ARHGEF26: variants seen among roughly 807,000 people sequenced by gnomAD.
ARHGEF26 encodes Rho guanine nucleotide exchange factor 26, also known as Rho guanine nucleotide exchange factor (GEF) 26.
Under a neutral mutation model 89.4 loss-of-function variants are expected in ARHGEF26, and 59 were observed. The observed-to-expected ratio is 0.66, with a 90% CI of 0.54 to 0.82. ARHGEF26 has a LOEUF of 0.82. ARHGEF26 is among the 40% of genes least tolerant of loss of function. The pLI is 0.00. For missense variants in ARHGEF26, 1,234 were observed against 1,085.6 expected (o/e 1.14, Z -1.92); for synonymous variants, 500 against 428.4 (o/e 1.17, Z -2.06).
At chr3:154,194,504 T>G (rs1714160631) in intron 8 of ARHGEF26, 140 bp from the exon 9 acceptor site, 1 of 596,886 alleles carries the variant, frequency 1.7e-6, no homozygotes, top group Non-Finnish European at 2.9e-6. Context: ...TTAAATTGGG[T>G]TTTAATATTA....
chr3:154,213,201 T>TAGAA (rs1715489505), intron 9 of ARHGEF26, among the ~76,000 whole-genome samples: 1 of 136,464 alleles, frequency 7.3e-6, no homozygotes. Context: ...ACGAGTAACA[T>TAGAA]AGAGAGAGAG....
intron 4 of ARHGEF26, among the ~76,000 whole-genome samples, chr3:154,139,297 C>A (rs1187057513): frequency 6.6e-6 from 1 of 152,164 alleles, no homozygotes; most frequent in South Asian, 2.1e-4. Context: ...TCTTCTCTTA[C>A]CTGCACTCAT....
chr3:154,176,593 C>T (rs758962190), intron 6 of ARHGEF26, among the ~76,000 whole-genome samples: 2 of 152,074 alleles, frequency 1.3e-5, no homozygotes, highest in Non-Finnish European at 2.9e-5. Flanking sequence ...TTTAGGCTGG[C>T]TGAGAGGCAT....
Position 154,187,752 on chromosome 3 carries a change from GA to G in ARHGEF26, c.1560del (p.Lys520AsnfsTer11), listed in dbSNP as rs760983064. ...CATAGATGACATAAGTGACATTGTG[GA>G]AAAACACACAGCATCCACATTTGAC... is the stretch of plus-strand genomic sequence containing the variant. ...IFIDDISDIV[E>X]KHTASTFDPY... On this transcript the variant is annotated frameshift_variant, in exon 7 of 15. Transcript: ENST00000465093. LOFTEE classifies it high-confidence loss of function. The G allele has an allele frequency of 2.5e-6, 4 of 1,611,808 alleles. No homozygotes were observed. The highest frequency in any genetic ancestry group is 2.5e-6 in the Non-Finnish European group (3 of 1,178,812).
chr3:154,176,869 C>G (rs1455025681), intron 6 of ARHGEF26, among the ~76,000 whole-genome samples: 1 of 152,132 alleles, frequency 6.6e-6, no homozygotes, highest in Admixed American at 6.6e-5. Flanking sequence ...GTCTCGAACT[C>G]CTGGGCTTAA....
chr3:154,226,678 CA>C (rs1716510299), intron 11 of ARHGEF26, among the ~76,000 whole-genome samples: 1 of 151,926 alleles, frequency 6.6e-6, no homozygotes, highest in Admixed American at 6.6e-5. Context: ...CACACACACA[CA>C]CACACACACA....
chr3:154,176,269 A>C, intron 6 of ARHGEF26, among the ~76,000 whole-genome samples: 1 of 152,324 alleles, frequency 6.6e-6, no homozygotes, highest in South Asian at 2.1e-4. Flanking sequence ...TGTGGCAGAA[A>C]GTGAGGCTGG....
Position 154,122,261 on chromosome 3 carries a change from C to T in ARHGEF26, c.269C>T (p.Ala90Val). 4 of 1,611,898 alleles carry T rather than the reference C, an allele frequency of 2.5e-6. No homozygotes were observed. Among genetic ancestry groups the T allele is most frequent in the Non-Finnish European group, 2.5e-6 (3 of 1,179,524 alleles). Residue 90 changes from alanine (A) to valine (V), a missense_variant, in exon 2 of 15, where the codon GCG (alanine) becomes GTG (valine). By Grantham distance (64) the Ala-to-Val change is moderately conservative. Transcript: ENST00000465093. ...CTGCTTCTGGGCGCCCAGCGGAGAG[C>T]GGTGGCCAATGGTGGGACGGCATCC... ...SPLLLGAQRRAVANGGTASPE... is the reference protein window; with the variant it reads ...SPLLLGAQRRVVANGGTASPE...
At position 154,254,731 on chromosome 3, in the gene ARHGEF26, G is replaced by C. The variant is rs1415057711; in HGVS notation, c.2380G>C (p.Val794Leu). The C allele has an allele frequency of 6.2e-7, 1 of 1,613,794 alleles. No homozygotes were observed. Among genetic ancestry groups the C allele is most frequent in the Non-Finnish European group, 8.5e-7 (1 of 1,179,798 alleles). ...TCTTTTGGCCTCAGCACTGACCCAG[G>C]TGGAAATCGTTAGGTCATTTACTGC... ...PPADRTSLTQ[V>L]EIVRSFTAKQ... Residue 794 changes from valine (V) to leucine (L), a missense_variant, in exon 14 of 15, where the codon GTG (valine) becomes CTG (leucine). By Grantham distance (32) the Val-to-Leu change is conservative. Coordinates refer to ENST00000465093, the MANE Select transcript of ARHGEF26 (RefSeq NM_015595.4).
chr3:154,207,995 G>A (rs566249109), intron 9 of ARHGEF26, among the ~76,000 whole-genome samples: 8 of 152,230 alleles, frequency 5.3e-5, no homozygotes, highest in African/African-American at 1.9e-4. Context: ...ATGCAGGAAC[G>A]GAAAAACACA....
intron 7 of ARHGEF26, among the ~76,000 whole-genome samples, chr3:154,188,147 T>A (rs1384194996): frequency 6.6e-6 from 1 of 152,158 alleles, no homozygotes; most frequent in African/African-American, 2.4e-5. Flanking sequence ...TTTTCTAAGC[T>A]TTTTACTGGC....
chr3:154,210,396 G>C (rs1715287402), intron 9 of ARHGEF26, among the ~76,000 whole-genome samples: 1 of 151,990 alleles, frequency 6.6e-6, no homozygotes, highest in African/African-American at 2.4e-5. Context: ...TTTTCTTCAA[G>C]GCAGCAGGTT....
intron 6 of ARHGEF26, among the ~76,000 whole-genome samples, chr3:154,155,673 T>C (rs1232481432): frequency 2.6e-5 from 4 of 152,050 alleles, no homozygotes; most frequent in African/African-American, 9.7e-5. Flanking sequence ...AAGCATTATG[T>C]TGTAGCCTTT....
rs543222811 is a variant in ARHGEF26, at chr3:154,173,392, C to G, written c.1488-14293C>G. Reference sequence around the variant, plus strand: ...AGATTGCATTAAAATTATGAAGAGACAATTGAATGTAATTTTTCTTTCCTT... The same window carrying G: ...AGATTGCATTAAAATTATGAAGAGAGAATTGAATGTAATTTTTCTTTCCTT... On this transcript the variant is annotated intron_variant, in intron 6 of 14. Transcript: ENST00000465093. Among the ~76,000 whole-genome samples, 14 of 152,234 alleles carry G rather than the reference C, an allele frequency of 9.2e-5. No individual in the cohort carries two copies. In the East Asian group the frequency reaches 2.5e-3, roughly 27 times the overall value.
chr3:154,246,119 G>C (rs1255946329), intron 12 of ARHGEF26, among the ~76,000 whole-genome samples: 1 of 152,290 alleles, frequency 6.6e-6, no homozygotes, highest in East Asian at 1.9e-4. Context: ...GTGCTAATTG[G>C]GGGGTGGTGA....
intron 6 of ARHGEF26, among the ~76,000 whole-genome samples, chr3:154,163,715 A>G (rs1466162595): frequency 1.3e-5 from 2 of 152,218 alleles, no homozygotes; most frequent in Admixed American, 1.3e-4. Context: ...TCTGTGGCAC[A>G]TCATAAAGGT....
Position 154,216,502 on chromosome 3 carries a change from AT to A in ARHGEF26, c.1846-1361del, listed in dbSNP as rs1293834056. 4.2e-3 allele frequency among the ~76,000 whole-genome samples: 205 copies of A among 49,114 alleles called. 3 individuals carry two copies. Among genetic ancestry groups the A allele is most frequent in the East Asian group, 0.018 (17 of 938 alleles). 32.2% of individuals were successfully genotyped at this position (49,114 alleles called of 152,430 possible). A position where few individuals can be genotyped will look rare whatever the true frequency, so the allele number is the denominator to read the frequency against. ...TGTTTTTTTTTTTTTATTTTTTTTT[AT>A]TTTTTATTTTTTTTTTATGTCTATA... On this transcript the variant is annotated intron_variant, in intron 9 of 14. Coordinates refer to ENST00000465093, the MANE Select transcript of ARHGEF26 (RefSeq NM_015595.4).
At chr3:154,229,240 G>A (rs1716688296) in intron 11 of ARHGEF26, among the ~76,000 whole-genome samples, 1 of 151,558 alleles carries the variant, frequency 6.6e-6, no homozygotes, top group African/African-American at 2.4e-5. Context: ...TTGTTATGTT[G>A]CCCAGGCTGC....
At chr3:154,133,805 A>G (rs1352993628) in intron 4 of ARHGEF26, among the ~76,000 whole-genome samples, 1 of 152,140 alleles carries the variant, frequency 6.6e-6, no homozygotes, top group Non-Finnish European at 1.5e-5. Context: ...GGCCATTTTA[A>G]TGATATTCAT....
Sources: allele counts gnomAD v4.1 joint callset (sites outside exome capture counted in the v4.1 genomes callset), GRCh38; gene constraint gnomAD v4.1.1; transcripts MANE v1.5; gene names NCBI Gene and HGNC (gene_info 2026-07-23, HGNC 2026-07-21).